The following NAA25 variants were observed in gnomAD, a reference collection of about 807,000 sequenced individuals.
NAA25 encodes the protein N-terminal acetyltransferase B complex subunit NAA25.
NAA25 carries 30 observed loss-of-function variants against 132.5 expected under a neutral mutation model. That is an observed-to-expected ratio of 0.23 (90% CI 0.17 to 0.31). NAA25 has a LOEUF of 0.31. NAA25 is among the 10% of genes least tolerant of loss of function. The pLI, the probability that NAA25 is intolerant of heterozygous loss-of-function variation, is 1.00. For missense variants in NAA25, 771 were observed against 1,150.4 expected, an observed-to-expected ratio of 0.67 and a Z score of 4.77; for synonymous variants, 359 against 401.9, an observed-to-expected ratio of 0.89 and a Z score of 1.28.
At chr12:112,048,542 G>T in intron 15 of NAA25, 99 bp from the exon 16 acceptor site, 1 of 995,450 alleles carries the variant, frequency 1.0e-6, no homozygotes, top group Non-Finnish European at 1.5e-6. Flanking sequence ...CTAAAATTAA[G>T]TTTTAAATCT....
At chr12:112,085,428 A>G (rs2079032111) in intron 4 of NAA25, among the ~76,000 whole-genome samples, 1 of 152,134 alleles carries the variant, frequency 6.6e-6, no homozygotes, top group Non-Finnish European at 1.5e-5. Context: ...GAAAAGAAGT[A>G]TATCTTTTTT....
chr12:112,033,253 C>G lies in NAA25; in HGVS notation c.2776G>C (p.Glu926Gln). 6.2e-7 allele frequency: 1 copy of G among 1,607,990 alleles called. No individual in the cohort carries two copies. Among genetic ancestry groups the G allele is most frequent in the South Asian group, 1.1e-5 (1 of 89,760 alleles). The change falls in exon 23 of 24, where the codon GAA becomes CAA. Residue 926 changes from glutamate to glutamine, a missense_variant. Coordinates refer to ENST00000261745, the MANE Select transcript of NAA25 (RefSeq NM_024953.4). ...IALKLEELIL[E>Q]DTSLSPEERK... Reference sequence around the variant, plus strand: ...CTTACCGGTGAGAGAGAAGTGTCTTCTAAAATAAGTTCTTCAAGTTTAAGT... The same window carrying G: ...CTTACCGGTGAGAGAGAAGTGTCTTGTAAAATAAGTTCTTCAAGTTTAAGT...
At chr12:112,075,985 C>T (rs1457852522) in intron 7 of NAA25, among the ~76,000 whole-genome samples, 196 bp from the exon 8 acceptor site, 4 of 152,110 alleles carry the variant, frequency 2.6e-5, no homozygotes, top group South Asian at 2.1e-4. Flanking sequence ...TGGATTCAAG[C>T]GATTCTCCTG....
chr12:112,073,242 A>C (rs567526662), intron 9 of NAA25, among the ~76,000 whole-genome samples: 3 of 149,316 alleles, frequency 2.0e-5, no homozygotes, highest in Admixed American at 1.4e-4. Flanking sequence ...CTCAAAAAAA[A>C]CAAAAATTAA....
chr12:112,083,750 A>G (rs927068587), intron 4 of NAA25, among the ~76,000 whole-genome samples: 6 of 152,138 alleles, frequency 3.9e-5, no homozygotes, highest in African/African-American at 1.4e-4. Context: ...GAGTTAGAAA[A>G]CCGGCTGGGT....
intron 21 of NAA25, 91 bp from the exon 22 acceptor site, chr12:112,039,430 G>A (rs1343432602): frequency 1.7e-5 from 13 of 746,114 alleles, no homozygotes; most frequent in East Asian, 7.5e-5. Context: ...AAATTCTAAC[G>A]CAGTTCTTCT....
chr12:112,104,134 C>T (rs1156805423), intron 1 of NAA25, among the ~76,000 whole-genome samples: 1 of 152,192 alleles, frequency 6.6e-6, no homozygotes, highest in Non-Finnish European at 1.5e-5. Flanking sequence ...ACCCGGGAGA[C>T]ACACTGGAAA....
chr12:112,054,278 T>C, intron 14 of NAA25, 110 bp downstream of exon 14: 3 of 941,414 alleles, frequency 3.2e-6, no homozygotes, highest in Non-Finnish European at 4.8e-6. Context: ...AGGTTATTAT[T>C]TAATCAGAAA....
At chr12:112,062,655 G>A (rs2078652053) in intron 11 of NAA25, among the ~76,000 whole-genome samples, 4 of 151,894 alleles carry the variant, frequency 2.6e-5, no homozygotes, top group Admixed American at 2.6e-4. Flanking sequence ...GAACCCAGGA[G>A]GCGGTGGTTG....
In NAA25 at chr12:112,039,210, C is replaced by T; in HGVS notation, c.2649+19G>A. On this transcript the variant is annotated intron_variant, in intron 22 of 23. Transcript: ENST00000261745. ...TGGTCAGATTGTTCCTTGTATATCA[C>T]TTGTGTTACTGTTATTACCATGATG... 7.0e-7 allele frequency: 1 copy of T among 1,434,196 alleles called. No homozygotes were observed. Among genetic ancestry groups the T allele is most frequent in the Non-Finnish European group, 9.7e-7 (1 of 1,034,600 alleles). 88.8% of individuals were successfully genotyped at this position (1,434,196 alleles called of 1,614,324 possible). A position where few individuals can be genotyped will look rare whatever the true frequency, so the allele number is the denominator to read the frequency against.
At position 112,028,274 on chromosome 12, in the gene NAA25, G is replaced by C. The variant is rs1218145526; in HGVS notation, c.*1257C>G. Reference sequence around the variant, plus strand: ...CAGAATTAAACTTGAACTATATTTAGGTAACAGACCAAAAACAGAAGCAGG... The same window carrying C: ...CAGAATTAAACTTGAACTATATTTACGTAACAGACCAAAAACAGAAGCAGG... On this transcript the variant is annotated 3_prime_UTR_variant, in exon 24 of 24. Coordinates refer to ENST00000261745, the MANE Select transcript of NAA25 (RefSeq NM_024953.4). The C allele has an allele frequency of 6.6e-6, 1 of 152,314 alleles. No homozygotes were observed. The highest frequency in any genetic ancestry group is 2.4e-5 in the African/African-American group (1 of 41,360). 9.4% of individuals were successfully genotyped at this position (152,314 alleles called of 1,614,324 possible). A position where few individuals can be genotyped will look rare whatever the true frequency, so the allele number is the denominator to read the frequency against.
In NAA25 at chr12:112,043,215, G is replaced by GA; in HGVS notation, c.2251-5dup. 6.4e-7 allele frequency: 1 copy of GA among 1,571,510 alleles called. No homozygotes were observed. The highest frequency in any genetic ancestry group is 8.6e-7 in the Non-Finnish European group (1 of 1,161,704). On this transcript the variant is annotated splice_polypyrimidine_tract_variant and splice_region_variant and intron_variant, in intron 18 of 23. Transcript: ENST00000261745. ...GTACAGGACCAAGGAAAGGATACTG[G>GA]AAAAAAGGGAGAAAAATAATGCTCT...
chr12:112,086,095 CA>C lies in NAA25; in HGVS notation c.402+1587del, dbSNP rs1566027557. Among the ~76,000 whole-genome samples, 610 of 127,304 alleles carry C rather than the reference CA, an allele frequency of 4.8e-3. 17 individuals are homozygous for C. The highest frequency in any genetic ancestry group is 0.018 in the African/African-American group (585 of 31,954). 83.5% of individuals were successfully genotyped at this position (127,304 alleles called of 152,430 possible). ...ATATACACACACACACACACACACA[CA>C]CACACACCCATAACCATTTTACATT... On this transcript the variant is annotated intron_variant, in intron 4 of 23. Coordinates refer to ENST00000261745, the MANE Select transcript of NAA25 (RefSeq NM_024953.4).
chr12:112,076,752 T>C (rs1257314213), intron 7 of NAA25, among the ~76,000 whole-genome samples: 1 of 150,960 alleles, frequency 6.6e-6, no homozygotes, highest in Non-Finnish European at 1.5e-5. Context: ...TCCCAGCACT[T>C]TGGGAGGCTG....
At chr12:112,084,209 G>A (rs1431781055) in intron 4 of NAA25, among the ~76,000 whole-genome samples, 1 of 152,156 alleles carries the variant, frequency 6.6e-6, no homozygotes, top group Non-Finnish European at 1.5e-5. Flanking sequence ...AAAATCACCA[G>A]CCAGAGATGT....
chr12:112,074,865 G>C, intron 8 of NAA25, 101 bp from the exon 9 acceptor site: 2 of 807,572 alleles, frequency 2.5e-6, no homozygotes, highest in Non-Finnish European at 4.0e-6. Flanking sequence ...TTATATTTTA[G>C]TATGTAGTAG....
intron 12 of NAA25, 48 bp from the exon 13 acceptor site, chr12:112,060,407 A>G (rs1566011565): frequency 7.6e-7 from 1 of 1,316,858 alleles, no homozygotes; most frequent in Non-Finnish European, 1.1e-6. Context: ...TTCAACTATT[A>G]CTGACCCCAA....
rs375144860 is a variant in NAA25, at chr12:112,043,118, C to T, written c.2344G>A (p.Asp782Asn). ...CCACTGGTATCCAGCTCATAAATATCATTGACAAGATAAAAAGAGCTTATC... is the reference window on the plus strand; with the variant it reads ...CCACTGGTATCCAGCTCATAAATATTATTGACAAGATAAAAAGAGCTTATC... ...CQISSFYLVN[D>N]IYELDTSGLE... Residue 782 changes from aspartate (D) to asparagine (N), a missense_variant, in exon 19 of 24, where the codon GAT becomes AAT. Asp to Asn is a conservative substitution (Grantham distance 23). Coordinates refer to ENST00000261745, the MANE Select transcript of NAA25 (RefSeq NM_024953.4). 3 of 1,612,506 alleles carry T rather than the reference C, an allele frequency of 1.9e-6. No individual in the cohort carries two copies. The African/African-American group carries it at 4.0e-5, about 22-fold the overall frequency.
Position 112,036,788 on chromosome 12 carries a change from T to C in NAA25, c.2649+2441A>G, listed in dbSNP as rs866453439. Among the ~76,000 whole-genome samples the C allele has an allele frequency of 5.3e-5, 8 of 149,848 alleles. 1 individual carries two copies. Among genetic ancestry groups the C allele is most frequent in the Non-Finnish European group, 8.9e-5 (6 of 67,682 alleles). On this transcript the variant is annotated intron_variant, in intron 22 of 23. Transcript: ENST00000261745. ...GCTTGAAACTGGAAAGTGGAGGTTG[T>C]AGTGATTGCGCCATTGCACTCCAGC...
Sources: gnomAD v4.1 joint callset for allele counts (sites outside exome capture counted in the v4.1 genomes callset) on GRCh38, gnomAD v4.1.1 for gene constraint, MANE v1.5 for transcripts, NCBI Gene and HGNC (gene_info 2026-07-23, HGNC 2026-07-21) for gene names.